Variants in TMEM132E observed in about 807,000 individuals in gnomAD.
TMEM132E encodes the protein transmembrane protein 132E.
Under a neutral mutation model 78.5 loss-of-function variants are expected in TMEM132E, and 49 were observed. That is an observed-to-expected ratio of 0.62 (90% CI 0.50 to 0.79). The LOEUF is 0.79. Among genes scored for constraint, TMEM132E ranks in the 30% least tolerant of loss-of-function variants. The probability of loss-of-function intolerance (pLI) is 0.00; values close to 1 mark genes in which losing one functional copy is unlikely to be tolerated. For missense variants in TMEM132E, 1,403 were observed against 1,470.9 expected, an observed-to-expected ratio of 0.95 and a Z score of 0.75; for synonymous variants, 715 against 670.6, an observed-to-expected ratio of 1.07 and a Z score of -1.02.
At chr17:34,633,016 C>A (rs1276113165) in intron 6 of TMEM132E, 107 bp downstream of exon 6, 4 of 1,275,060 alleles carry the variant, frequency 3.1e-6, no homozygotes, top group South Asian at 1.3e-5. Context: ...TATACATAGT[C>A]TGTAGGTTGG....
chr17:34,614,657 C>T (rs866976851), intron 1 of TMEM132E: 2 of 152,164 alleles, frequency 1.3e-5, no homozygotes, highest in African/African-American at 4.8e-5. Flanking sequence ...AGGGCCAGAG[C>T]TTCTGTCCCC....
chr17:34,598,268 C>T (rs560133995), intron 1 of TMEM132E, among the ~76,000 whole-genome samples: 1 of 152,122 alleles, frequency 6.6e-6, no homozygotes, highest in East Asian at 1.9e-4. Flanking sequence ...GCCACTTCCA[C>T]TGTGCCATGG....
At chr17:34,630,292 T>A in intron 5 of TMEM132E, 141 bp downstream of exon 5, 2 of 856,448 alleles carry the variant, frequency 2.3e-6, no homozygotes, top group Non-Finnish European at 3.5e-6. Flanking sequence ...GGACCCCTTC[T>A]GTTGCAGCAG....
intron 1 of TMEM132E, among the ~76,000 whole-genome samples, chr17:34,592,977 C>A (rs536362685): frequency 6.6e-6 from 1 of 152,178 alleles, no homozygotes; most frequent in Non-Finnish European, 1.5e-5. Context: ...TCGGCACTGT[C>A]CAATAGAAAT....
rs761010143 is a variant in TMEM132E, at chr17:34,630,092, C to T, written c.1423C>T (p.Leu475Phe). 8.1e-6 allele frequency: 13 copies of T among 1,613,608 alleles called. No individual in the cohort carries two copies. Among genetic ancestry groups the T allele is most frequent in the South Asian group, 1.1e-5 (1 of 91,062 alleles). Residue 475 changes from leucine to phenylalanine, a missense_variant, in exon 5 of 9, where the codon CTC (leucine) becomes TTC (phenylalanine). Transcript: ENST00000631683. ...VKVIAIEVNG[L>F]VLDISALVEC... Reference sequence around the variant, plus strand: ...GGTCATTGCCATCGAGGTGAATGGCCTCGTCCTGGACATCTCCGCCCTAGT... The same window carrying T: ...GGTCATTGCCATCGAGGTGAATGGCTTCGTCCTGGACATCTCCGCCCTAGT...
intron 1 of TMEM132E, among the ~76,000 whole-genome samples, chr17:34,615,196 T>A (rs1006598835): frequency 1.3e-5 from 2 of 150,324 alleles, no homozygotes; most frequent in Non-Finnish European, 3.0e-5. Flanking sequence ...TGGTGGCAGC[T>A]TCTTGGGGTC....
intron 1 of TMEM132E, among the ~76,000 whole-genome samples, chr17:34,581,635 G>C: frequency 6.6e-6 from 1 of 151,602 alleles, no homozygotes; most frequent in Non-Finnish European, 1.5e-5. Flanking sequence ...AAGGGAAGTG[G>C]ACTGACTCCG....
At chr17:34,627,597 T>C (rs558150732) in intron 2 of TMEM132E, among the ~76,000 whole-genome samples, 2 of 151,974 alleles carry the variant, frequency 1.3e-5, no homozygotes, top group African/African-American at 4.8e-5. Flanking sequence ...AAGGACACAG[T>C]TTGCAAACTC....
At chr17:34,586,135 C>A (rs1227929112) in intron 1 of TMEM132E, among the ~76,000 whole-genome samples, 1 of 152,140 alleles carries the variant, frequency 6.6e-6, no homozygotes, top group African/African-American at 2.4e-5. Context: ...TCTCCCCAAG[C>A]ACACGCCTCT....
intron 1 of TMEM132E, among the ~76,000 whole-genome samples, chr17:34,599,214 G>A (rs1325996455): frequency 2.6e-5 from 4 of 152,216 alleles, no homozygotes; most frequent in Admixed American, 2.6e-4. Context: ...GTTCCCCACA[G>A]CAAGAGGGTA....
At chr17:34,596,631 T>C (rs1906067623) in intron 1 of TMEM132E, among the ~76,000 whole-genome samples, 1 of 152,000 alleles carries the variant, frequency 6.6e-6, no homozygotes, top group African/African-American at 2.4e-5. Context: ...GGTCCATCAT[T>C]TGCTTCCTTT....
chr17:34,637,125 C>T, intron 8 of TMEM132E, 52 bp from the exon 9 acceptor site: 1 of 1,508,342 alleles, frequency 6.6e-7, no homozygotes, highest in South Asian at 1.3e-5. Context: ...TAGCAGGAAG[C>T]CAGCTGAACC....
intron 1 of TMEM132E, among the ~76,000 whole-genome samples, chr17:34,592,566 A>C (rs1403305765): frequency 6.6e-6 from 1 of 152,168 alleles, no homozygotes; most frequent in Non-Finnish European, 1.5e-5. Context: ...GAGCCTCCTC[A>C]TCCACTCCTA....
Position 34,626,963 on chromosome 17 carries a change from C to T in TMEM132E, c.904C>T (p.Pro302Ser). 6.2e-7 allele frequency: 1 copy of T among 1,613,926 alleles called. No individual in the cohort carries two copies. Among genetic ancestry groups the T allele is most frequent in the Admixed American group, 1.7e-5 (1 of 60,036 alleles). Reference protein sequence around the residue: ...SNLMIRLPDRPLKPGEVLSIL... With the variant: ...SNLMIRLPDRSLKPGEVLSIL... ...CCTGATGATCCGCCTGCCAGACCGG[C>T]CCCTCAAGCCCGGGGAAGTGCTCAG... is the stretch of plus-strand genomic sequence containing the variant. Residue 302 changes from proline to serine, a missense_variant, in exon 2 of 9, where the codon CCC (proline) becomes TCC (serine). Around this residue, in one of 3 missense-constraint regions of TMEM132E, gnomAD observed 511 missense variants for 499.0 expected, o/e 1.02. Coordinates refer to ENST00000631683, the MANE Select transcript of TMEM132E (RefSeq NM_001304438.2).
At chr17:34,582,907 G>A (rs1415351847) in intron 1 of TMEM132E, among the ~76,000 whole-genome samples, 1 of 152,212 alleles carries the variant, frequency 6.6e-6, no homozygotes, top group Non-Finnish European at 1.5e-5. Flanking sequence ...ATGATGGGCA[G>A]CTCAAACTCT....
Position 34,632,848 on chromosome 17 carries a change from C to A in TMEM132E, c.1627C>A (p.Leu543Ile). 1 of 1,614,222 alleles carries A rather than the reference C, an allele frequency of 6.2e-7. No homozygotes were observed. The highest frequency in any genetic ancestry group is 8.5e-7 in the Non-Finnish European group (1 of 1,180,040). The stretch of plus-strand genomic sequence containing the variant: ...CCCCAAGCTGCCCTTGCACATTGAG[C>A]TCTCAGATGCCCGCCTCAGCCAAGT... ...WVPKLPLHIE[L>I]SDARLSQVKG... Residue 543 changes from leucine (L) to isoleucine (I), a missense_variant, in exon 6 of 9, where the codon CTC becomes ATC. By Grantham distance (5) the Leu-to-Ile change is conservative. This residue lies in a region of TMEM132E where 888 missense variants were observed against 952.8 expected (regional missense o/e 0.93). Coordinates refer to ENST00000631683, the MANE Select transcript of TMEM132E (RefSeq NM_001304438.2).
At position 34,626,035 on chromosome 17, in the gene TMEM132E, G is replaced by A; in HGVS notation, c.68-92G>A. Reference sequence around the variant, plus strand: ...CAGCTAGAGGAGTTGGCAGCCCTCTGTGGGGTGGGAGAGACGAGCCTGGGG... The same window carrying A: ...CAGCTAGAGGAGTTGGCAGCCCTCTATGGGGTGGGAGAGACGAGCCTGGGG... On this transcript the variant is annotated intron_variant, in intron 1 of 8. Coordinates refer to ENST00000631683, the MANE Select transcript of TMEM132E (RefSeq NM_001304438.2). 2.5e-6 allele frequency: 3 copies of A among 1,219,636 alleles called. No homozygotes were observed. In the South Asian group the frequency reaches 4.8e-5, roughly 20 times the overall value. The allele number at this position is 1,219,636 out of a possible 1,614,324, so 75.6% of individuals were successfully genotyped here. A position where few individuals can be genotyped will look rare whatever the true frequency, so the allele number is the denominator to read the frequency against.
At chr17:34,582,093 C>G (rs1363026095) in intron 1 of TMEM132E, among the ~76,000 whole-genome samples, 1 of 151,828 alleles carries the variant, frequency 6.6e-6, no homozygotes, top group East Asian at 2.0e-4. Flanking sequence ...CCCTCTGCTC[C>G]CTCCTAACGT....
intron 1 of TMEM132E, among the ~76,000 whole-genome samples, chr17:34,587,840 A>T (rs1429640364): frequency 1.3e-5 from 2 of 152,216 alleles, no homozygotes; most frequent in Non-Finnish European, 2.9e-5. Flanking sequence ...CTGCTATGTG[A>T]AGGCAGCACT....
Sources: allele counts gnomAD v4.1 joint callset (sites outside exome capture counted in the v4.1 genomes callset), GRCh38; gene constraint gnomAD v4.1.1; regional missense constraint gnomAD v4.1.1; transcripts MANE v1.5; gene names NCBI Gene and HGNC (gene_info 2026-07-23, HGNC 2026-07-21).